Variants in SDHAF4 observed in about 807,000 individuals in gnomAD.
The protein encoded by SDHAF4 is succinate dehydrogenase complex assembly factor 4, also known as succinate dehydrogenase assembly factor 4, mitochondrial.
SDHAF4 carries 14 observed loss-of-function variants against 14.3 expected under a neutral mutation model. The ratio of observed to expected loss-of-function variants is 0.98; its 90% CI spans 0.65 to 1.53. SDHAF4 has a LOEUF of 1.53. Among genes scored for constraint, SDHAF4 ranks in the 40% most tolerant of loss-of-function variants. The pLI, the probability that SDHAF4 is intolerant of heterozygous loss-of-function variation, is 0.00. For synonymous variants in SDHAF4, 63 were observed against 47.3 expected, an observed-to-expected ratio of 1.33 and a Z score of -1.36; for missense variants, 141 against 129.3, an observed-to-expected ratio of 1.09 and a Z score of -0.44.
intron 2 of SDHAF4, among the ~76,000 whole-genome samples, chr6:70,588,380 C>T (rs552299611): frequency 3.9e-5 from 6 of 152,178 alleles, no homozygotes; most frequent in South Asian, 2.1e-4. Flanking sequence ...ATTAGTTGGG[C>T]GTGGTGGCAT....
At chr6:70,573,620 TTC>T (rs1802214455) in intron 1 of SDHAF4, among the ~76,000 whole-genome samples, 2 of 151,834 alleles carry the variant, frequency 1.3e-5, no homozygotes, top group Admixed American at 6.6e-5. Context: ...TTCCGTGTTT[TTC>T]TTTCTTTTTT....
At chr6:70,577,526 AT>A (rs1389402178) in intron 1 of SDHAF4, among the ~76,000 whole-genome samples, 1 of 152,190 alleles carries the variant, frequency 6.6e-6, no homozygotes, top group Non-Finnish European at 1.5e-5. Context: ...AAATGATGTC[AT>A]TTACGCATTG....
chr6:70,579,601 T>C, intron 2 of SDHAF4, 35 bp downstream of exon 2: 1 of 1,525,622 alleles, frequency 6.6e-7, no homozygotes, highest in Non-Finnish European at 8.8e-7. Context: ...GTTTTTGAAG[T>C]ATCAAGGAAA....
chr6:70,575,778 TTTC>T (rs759157710), intron 1 of SDHAF4, among the ~76,000 whole-genome samples: 3 of 151,986 alleles, frequency 2.0e-5, no homozygotes, highest in African/African-American at 7.3e-5. Context: ...TTTAGAAGGT[TTTC>T]TTCTTGTCTA....
intron 2 of SDHAF4, among the ~76,000 whole-genome samples, chr6:70,586,593 C>G (rs1052181032): frequency 2.0e-5 from 3 of 151,906 alleles, no homozygotes; most frequent in African/African-American, 7.3e-5. Context: ...TGTCTGCCCA[C>G]AGGATGGCCA....
downstream of SDHAF4, among the ~76,000 whole-genome samples, chr6:70,590,301 A>T (rs1765247273): frequency 6.6e-6 from 1 of 152,194 alleles, no homozygotes; most frequent in South Asian, 2.1e-4. Flanking sequence ...GTGTGGGCAT[A>T]CTCAAGAGAG....
At chr6:70,584,473 T>C (rs534330710) in intron 2 of SDHAF4, among the ~76,000 whole-genome samples, 9 of 152,210 alleles carry the variant, frequency 5.9e-5, no homozygotes, top group South Asian at 2.1e-4. Flanking sequence ...TCTAGGATTT[T>C]ATATAAATGA....
At chr6:70,592,734 A>G (rs1765268769), downstream of SDHAF4, among the ~76,000 whole-genome samples, 1 of 152,262 alleles carries the variant, frequency 6.6e-6, no homozygotes, top group South Asian at 2.1e-4. Flanking sequence ...AAAGACAGAA[A>G]TCATAATCAA....
intron 1 of SDHAF4, among the ~76,000 whole-genome samples, chr6:70,567,945 A>G (rs1802123882): frequency 6.6e-6 from 1 of 152,190 alleles, no homozygotes; most frequent in African/African-American, 2.4e-5. Flanking sequence ...TCGGCCTCCC[A>G]AAGTGCTGGG....
intron 1 of SDHAF4, among the ~76,000 whole-genome samples, chr6:70,575,148 C>G (rs1170795114): frequency 6.6e-6 from 1 of 152,192 alleles, no homozygotes; most frequent in South Asian, 2.1e-4. Flanking sequence ...GAGACCAAAG[C>G]AGGCAGATCA....
chr6:70,577,572 A>T (rs930617540), intron 1 of SDHAF4, among the ~76,000 whole-genome samples: 2 of 152,168 alleles, frequency 1.3e-5, no homozygotes, highest in African/African-American at 4.8e-5. Context: ...CCGAAGTTTT[A>T]TTTTAGATTC....
At chr6:70,582,968 A>G (rs1357610024) in intron 2 of SDHAF4, among the ~76,000 whole-genome samples, 1 of 152,208 alleles carries the variant, frequency 6.6e-6, no homozygotes, top group Non-Finnish European at 1.5e-5. Flanking sequence ...ACCCTGCTTG[A>G]CATAAAGATG....
At chr6:70,568,962 CTTTTTTT>C (rs5877254) in intron 1 of SDHAF4, among the ~76,000 whole-genome samples, 4 of 97,990 alleles carry the variant, frequency 4.1e-5, no homozygotes, top group Admixed American at 2.7e-4. Flanking sequence ...TTTCTTTTTT[CTTTTTTT>C]TTTTTTTTTT....
chr6:70,596,671 T>C, the SDHAF4 span: 7 of 152,358 alleles, frequency 4.6e-5, no homozygotes, highest in East Asian at 1.3e-3. Context: ...GGAATTTGTA[T>C]GTTGATCTTT....
At position 70,569,807 on chromosome 6, in the gene SDHAF4, AACCCTTCTGT is replaced by A. The variant is rs563615425; in HGVS notation, c.64+2809_64+2818del. Among the ~76,000 whole-genome samples the A allele has an allele frequency of 2.8e-4, 43 of 152,298 alleles. 1 individual carries two copies. In the South Asian group the frequency reaches 8.7e-3, roughly 31 times the overall value. On this transcript the variant is annotated intron_variant, in intron 1 of 2. Transcript: ENST00000370474. The stretch of plus-strand genomic sequence containing the variant: ...GACTGCCTTGTGGTCTTGTCTAAGA[AACCCTTCTGT>A]ACCCTAAAGTCATGGACATAATCTC...
At chr6:70,576,559 T>C (rs1279050114) in intron 1 of SDHAF4, among the ~76,000 whole-genome samples, 5 of 152,270 alleles carry the variant, frequency 3.3e-5, no homozygotes, top group Admixed American at 2.6e-4. Context: ...TACACAGATA[T>C]ACACATATTT....
chr6:70,583,824 T>C (rs1765168868), intron 2 of SDHAF4, among the ~76,000 whole-genome samples: 1 of 152,188 alleles, frequency 6.6e-6, no homozygotes, highest in South Asian at 2.1e-4. Flanking sequence ...TTGGATTAAT[T>C]GAATATAAAG....
At chr6:70,573,264 CT>C (rs202098262) in intron 1 of SDHAF4, among the ~76,000 whole-genome samples, 197 of 110,398 alleles carry the variant, frequency 1.8e-3, no homozygotes, top group Middle Eastern at 5.7e-3. Context: ...GCTATTTGGC[CT>C]TTTTTTTTTT....
intron 1 of SDHAF4, among the ~76,000 whole-genome samples, chr6:70,576,193 A>G (rs181881746): frequency 6.6e-6 from 1 of 152,362 alleles, no homozygotes; most frequent in East Asian, 1.9e-4. Context: ...GCCAAGGAGC[A>G]CAGTGTCCCA....
Sources: allele counts gnomAD v4.1 joint callset (sites outside exome capture counted in the v4.1 genomes callset), GRCh38; gene constraint gnomAD v4.1.1; transcripts MANE v1.5; gene names NCBI Gene and HGNC (gene_info 2026-07-23, HGNC 2026-07-21).